The following CALN1 variants were observed in gnomAD, a reference collection of about 807,000 sequenced individuals.
The protein encoded by CALN1 is calneuron 1.
In CALN1, 17 loss-of-function variants were observed where a neutral mutation model predicts 30.6. That is an observed-to-expected ratio of 0.56 (90% CI 0.38 to 0.83). The LOEUF (loss-of-function observed/expected upper bound fraction) is 0.83. CALN1 is among the 40% of genes least tolerant of loss of function. The pLI is 0.00. For synonymous variants in CALN1, 156 were observed against 131.4 expected, an observed-to-expected ratio of 1.19 and a Z score of -1.28; for missense variants, 291 against 354.9, an observed-to-expected ratio of 0.82 and a Z score of 1.45.
At chr7:72,037,006 T>C (rs370387362) in intron 4 of CALN1, among the ~76,000 whole-genome samples, 2 of 152,228 alleles carry the variant, frequency 1.3e-5, no homozygotes. Context: ...TTTTGTTTAC[T>C]GTTTTGGTTG....
chr7:72,284,352 T>A (rs201708635), intron 2 of CALN1, among the ~76,000 whole-genome samples: 1 of 152,224 alleles, frequency 6.6e-6, no homozygotes, highest in African/African-American at 2.4e-5. Context: ...CTTGAAATGA[T>A]GCCCTTTTGT....
chr7:72,470,373 C>T, the CALN1 span, among the ~76,000 whole-genome samples: 1 of 152,002 alleles, frequency 6.6e-6, no homozygotes, highest in East Asian at 1.9e-4. Context: ...GCAAGACCCC[C>T]GACTCTAAAA....
intron 3 of CALN1, among the ~76,000 whole-genome samples, chr7:72,216,387 C>G (rs1194647401): frequency 6.7e-6 from 1 of 150,344 alleles, no homozygotes; most frequent in Non-Finnish European, 1.5e-5. Context: ...TGCACTCCAG[C>G]CTGGATGACA....
the CALN1 span, among the ~76,000 whole-genome samples, chr7:72,460,872 C>T: frequency 2.6e-5 from 4 of 152,138 alleles, no homozygotes; most frequent in African/African-American, 7.2e-5. Context: ...TGCTTCCCCC[C>T]ACGGCAGGAC....
intron 5 of CALN1, among the ~76,000 whole-genome samples, chr7:71,840,196 C>T (rs1304758499): frequency 6.8e-6 from 1 of 147,950 alleles, no homozygotes; most frequent in South Asian, 2.2e-4. Flanking sequence ...GGGGCAGTGG[C>T]TCACACCTGT....
intron 2 of CALN1, among the ~76,000 whole-genome samples, chr7:72,320,038 T>C (rs915191962): frequency 6.6e-6 from 1 of 152,198 alleles, no homozygotes. Context: ...GGAGAATCAC[T>C]TGAACCCAGG....
In CALN1 at chr7:72,210,186, G is replaced by A. The variant is rs61682557; in HGVS notation, c.244+68500C>T. 3.3e-3 allele frequency among the ~76,000 whole-genome samples: 503 copies of A among 152,094 alleles called. 2 individuals carry two copies. Among genetic ancestry groups the A allele is most frequent in the African/African-American group, 0.01 (430 of 41,508 alleles). On this transcript the variant is annotated intron_variant, in intron 3 of 6. Transcript: ENST00000395275. Reference sequence around the variant, plus strand: ...GCCATCCACCTCCTGCCTCCTACCAGGCTGCTGGGGCTTCTCCAGAACGGC... The same window carrying A: ...GCCATCCACCTCCTGCCTCCTACCAAGCTGCTGGGGCTTCTCCAGAACGGC...
chr7:72,380,613 A>G (rs990780810), intron 2 of CALN1, among the ~76,000 whole-genome samples: 4 of 152,130 alleles, frequency 2.6e-5, no homozygotes, highest in African/African-American at 7.2e-5. Context: ...TTCATGTCCT[A>G]GCATCAGAGT....
rs1791764370 is a variant in CALN1, at chr7:71,869,026, G to T, written c.502-58534C>A. Among the ~76,000 whole-genome samples, 3 of 152,032 alleles carry T rather than the reference G, an allele frequency of 2.0e-5. No individual in the cohort carries two copies. The South Asian group carries it at 6.2e-4, about 32-fold the overall frequency. The stretch of plus-strand genomic sequence containing the variant: ...ATGGTCTCCTTTTTAAGAACAAGTT[G>T]GGTGAGGTAGCTATGTTCACTTCAA... On this transcript the variant is annotated intron_variant, in intron 5 of 6. Transcript: ENST00000395275.
At chr7:72,234,326 A>C (rs1467202591) in intron 3 of CALN1, among the ~76,000 whole-genome samples, 3 of 152,184 alleles carry the variant, frequency 2.0e-5, no homozygotes, top group Non-Finnish European at 4.4e-5. Context: ...CCAGCCAGCA[A>C]AGTACCTCCC....
At chr7:71,928,151 A>G (rs965726787) in intron 5 of CALN1, among the ~76,000 whole-genome samples, 1 of 152,100 alleles carries the variant, frequency 6.6e-6, no homozygotes, top group Non-Finnish European at 1.5e-5. Flanking sequence ...CTGCCCCATC[A>G]CCAATCTTTC....
upstream of CALN1, among the ~76,000 whole-genome samples, chr7:72,452,054 G>A (rs1160497819): frequency 2.6e-5 from 4 of 152,134 alleles, no homozygotes; most frequent in African/African-American, 9.7e-5. Context: ...TGGGAGAATT[G>A]AATGGAATAT....
At chr7:72,089,360 G>A (rs909020598) in intron 4 of CALN1, among the ~76,000 whole-genome samples, 1 of 151,934 alleles carries the variant, frequency 6.6e-6, no homozygotes, top group Admixed American at 6.6e-5. Context: ...AAACACAACC[G>A]TAGTCACAAA....
chr7:72,360,212 A>G (rs539003570), intron 2 of CALN1, among the ~76,000 whole-genome samples: 2 of 152,316 alleles, frequency 1.3e-5, no homozygotes, highest in South Asian at 2.1e-4. Flanking sequence ...CCTGGATACA[A>G]TAAGTATATT....
chr7:72,163,234 G>A (rs930983468), intron 3 of CALN1, among the ~76,000 whole-genome samples: 49 of 152,036 alleles, frequency 3.2e-4, no homozygotes, highest in Admixed American at 1.1e-3. Context: ...GAAAAATGCC[G>A]TAAAAGAGCA....
chr7:72,439,847 G>T (rs967715491), intron 1 of CALN1, among the ~76,000 whole-genome samples: 1 of 152,070 alleles, frequency 6.6e-6, no homozygotes, highest in African/African-American at 2.4e-5. Context: ...AAAGTGCTGG[G>T]ATTACAGGCG....
intron 5 of CALN1, among the ~76,000 whole-genome samples, chr7:71,850,321 T>C (rs1790565108): frequency 6.6e-6 from 1 of 152,206 alleles, no homozygotes; most frequent in South Asian, 2.1e-4. Flanking sequence ...GTTCAAGCGA[T>C]TCTCCTGCCT....
intron 5 of CALN1, among the ~76,000 whole-genome samples, chr7:71,966,114 G>A (rs1016288321): frequency 6.6e-6 from 1 of 152,168 alleles, no homozygotes; most frequent in Non-Finnish European, 1.5e-5. Context: ...TCCTGTGCAA[G>A]ACCAGATAAC....
At chr7:72,007,483 A>T (rs1326481930) in intron 5 of CALN1, among the ~76,000 whole-genome samples, 1 of 152,148 alleles carries the variant, frequency 6.6e-6, no homozygotes, top group Non-Finnish European at 1.5e-5. Flanking sequence ...GGAGGCAGAG[A>T]TTGCAATGAG....
Sources: gnomAD v4.1 joint callset for allele counts (sites outside exome capture counted in the v4.1 genomes callset) on GRCh38, gnomAD v4.1.1 for gene constraint, MANE v1.5 for transcripts, NCBI Gene and HGNC (gene_info 2026-07-23, HGNC 2026-07-21) for gene names.